Variants in SHISA9 observed in about 807,000 individuals in gnomAD.
SHISA9 encodes protein shisa-9.
Under a neutral mutation model 38.0 loss-of-function variants are expected in SHISA9, and 13 were observed. That is an observed-to-expected ratio of 0.34 (90% CI 0.22 to 0.54). The LOEUF is 0.54. Ranked by LOEUF, SHISA9 falls within the 20% of genes least tolerant of loss-of-function variation. The pLI, the probability that SHISA9 is intolerant of heterozygous loss-of-function variation, is 0.91. For synonymous variants in SHISA9, 275 were observed against 242.0 expected (o/e 1.14, Z -1.27); for missense variants, 538 against 575.8 (o/e 0.93, Z 0.67).
intron 2 of SHISA9, among the ~76,000 whole-genome samples, chr16:13,075,760 A>G (rs1471662345): frequency 2.0e-5 from 3 of 152,158 alleles, no homozygotes; most frequent in African/African-American, 7.2e-5. Context: ...CCAGCAGAAA[A>G]AGTAGCCTGA....
At chr16:13,129,833 C>A (rs1317287324) in intron 2 of SHISA9, among the ~76,000 whole-genome samples, 2 of 152,118 alleles carry the variant, frequency 1.3e-5, no homozygotes, top group Admixed American at 1.3e-4. Flanking sequence ...CATGTCCAAC[C>A]AGAGACTCAG....
intron 2 of SHISA9, among the ~76,000 whole-genome samples, chr16:12,943,880 A>G (rs1050381532): frequency 1.3e-5 from 2 of 152,168 alleles, no homozygotes; most frequent in Non-Finnish European, 2.9e-5. Context: ...TTCTTGACTT[A>G]CTTGTTTATT....
intron 2 of SHISA9, among the ~76,000 whole-genome samples, chr16:12,977,890 G>A (rs1004160855): frequency 2.0e-5 from 3 of 152,004 alleles, no homozygotes; most frequent in African/African-American, 7.3e-5. Context: ...CTTAGGTAAC[G>A]AGATGATTTG....
intron 2 of SHISA9, among the ~76,000 whole-genome samples, chr16:12,960,437 A>C (rs1413524672): frequency 6.6e-6 from 1 of 152,164 alleles, no homozygotes; most frequent in African/African-American, 2.4e-5. Flanking sequence ...AAGGAATAGA[A>C]ATCACCCTAT....
intron 2 of SHISA9, among the ~76,000 whole-genome samples, chr16:13,065,316 C>T (rs1178756664): frequency 6.6e-6 from 1 of 152,186 alleles, no homozygotes; most frequent in Admixed American, 6.5e-5. Context: ...TCAAACCCAT[C>T]TCCTTACCCC....
intron 2 of SHISA9, among the ~76,000 whole-genome samples, chr16:13,033,824 A>G (rs2073020453): frequency 1.3e-5 from 2 of 152,312 alleles, no homozygotes; most frequent in South Asian, 4.1e-4. Flanking sequence ...TCAGCCCATG[A>G]TTGGAAAAAT....
chr16:12,943,191 TTCA>T (rs2071634511), intron 2 of SHISA9, among the ~76,000 whole-genome samples: 1 of 151,766 alleles, frequency 6.6e-6, no homozygotes, highest in Non-Finnish European at 1.5e-5. Context: ...TTGGTCAGGG[TTCA>T]GGTATCCACT....
chr16:13,326,522 A>T, the SHISA9 span, among the ~76,000 whole-genome samples: 1 of 152,176 alleles, frequency 6.6e-6, no homozygotes, highest in African/African-American at 2.4e-5. Flanking sequence ...GGAGTTCGAG[A>T]CCAGCCTGGC....
chr16:13,269,885 C>A, the SHISA9 span, among the ~76,000 whole-genome samples: 1 of 152,182 alleles, frequency 6.6e-6, no homozygotes, highest in Admixed American at 6.5e-5. Flanking sequence ...AGAATCCATG[C>A]TCTTGCAATC....
the SHISA9 span, among the ~76,000 whole-genome samples, chr16:13,312,408 C>T: frequency 1.1e-3 from 175 of 152,272 alleles, no homozygotes; most frequent in African/African-American, 4.2e-3. Flanking sequence ...TCCTGTCCCC[C>T]CCTCAGTCAT....
chr16:13,270,435 T>C, the SHISA9 span, among the ~76,000 whole-genome samples: 6 of 152,248 alleles, frequency 3.9e-5, no homozygotes, highest in East Asian at 1.2e-3. Flanking sequence ...AATGACTTGC[T>C]CTTAGGAGAG....
the SHISA9 span, among the ~76,000 whole-genome samples, chr16:13,274,812 G>A: frequency 3.3e-5 from 5 of 152,118 alleles, no homozygotes; most frequent in Admixed American, 1.3e-4. Context: ...GAAATCTAAC[G>A]TGTTTCGGGC....
intron 4 of SHISA9, among the ~76,000 whole-genome samples, chr16:13,222,811 T>TAC (rs55751164): frequency 2.2e-5 from 2 of 92,304 alleles, no homozygotes; most frequent in African/African-American, 1.1e-4. Context: ...TATATATATA[T>TAC]ACATACACAC....
At chr16:13,556,169 A>T in the SHISA9 span, among the ~76,000 whole-genome samples, 1 of 152,184 alleles carries the variant, frequency 6.6e-6, no homozygotes, top group Non-Finnish European at 1.5e-5. Flanking sequence ...CACACCATCA[A>T]TCAGTTTTGT....
chr16:13,562,169 A>C, the SHISA9 span, among the ~76,000 whole-genome samples: 5 of 152,214 alleles, frequency 3.3e-5, no homozygotes, highest in African/African-American at 9.6e-5. Context: ...TGCAGGGGAA[A>C]TTGTCTGATT....
rs188821639 is a variant in SHISA9, at chr16:13,200,189, C to G, written c.692-3205C>G. Among the ~76,000 whole-genome samples, 249 of 152,208 alleles carry G rather than the reference C, an allele frequency of 1.6e-3. 2 individuals carry two copies. Among genetic ancestry groups the G allele is most frequent in the African/African-American group, 5.7e-3 (236 of 41,546 alleles). ...CACTTTATTTGCTTCTTCTTGTTCT[C>G]TAACTCCCCCATCCTTTTGCTACAA... On this transcript the variant is annotated intron_variant, in intron 2 of 4. Transcript: ENST00000558583.
intron 2 of SHISA9, among the ~76,000 whole-genome samples, chr16:13,175,763 T>C (rs1360593826): frequency 1.3e-5 from 2 of 152,240 alleles, no homozygotes; most frequent in Admixed American, 6.5e-5. Context: ...TGGTGCCCAA[T>C]GCTAGTAGCC....
At chr16:13,317,009 C>T in the SHISA9 span, among the ~76,000 whole-genome samples, 4 of 152,228 alleles carry the variant, frequency 2.6e-5, no homozygotes, top group Admixed American at 2.6e-4. Context: ...CTCAGCTGAA[C>T]TTCAGGCTTC....
intron 2 of SHISA9, among the ~76,000 whole-genome samples, chr16:13,053,547 A>T (rs778615825): frequency 6.6e-6 from 1 of 152,136 alleles, no homozygotes; most frequent in Non-Finnish European, 1.5e-5. Flanking sequence ...GAGTTTTCCC[A>T]TCCACATGGA....
Sources: allele counts gnomAD v4.1 joint callset (sites outside exome capture counted in the v4.1 genomes callset), GRCh38; gene constraint gnomAD v4.1.1; transcripts MANE v1.5; gene names NCBI Gene and HGNC (gene_info 2026-07-23, HGNC 2026-07-21).